The following LYPLAL1 variants were observed in gnomAD, a reference collection of about 807,000 sequenced individuals.
The protein encoded by LYPLAL1 is lysophospholipase like 1.
A neutral mutation model predicts 19.7 loss-of-function variants in LYPLAL1; 23 were observed. The ratio of observed to expected loss-of-function variants is 1.17; its 90% confidence interval spans 0.84 to 1.65. The LOEUF is 1.65. Among genes scored for constraint, LYPLAL1 ranks in the 40% most tolerant of loss-of-function variants. LYPLAL1 has a pLI of 0.00. For synonymous variants in LYPLAL1, 119 were observed against 96.3 expected (o/e 1.24, Z -1.38); for missense variants, 355 against 279.4 (o/e 1.27, Z -1.93).
chr1:219,395,794 A>G, the LYPLAL1 span, among the ~76,000 whole-genome samples: 13 of 152,044 alleles, frequency 8.6e-5, no homozygotes, highest in Non-Finnish European at 1.8e-4. Context: ...TGATTTTTAC[A>G]TATGGTGTAA....
the LYPLAL1 span, among the ~76,000 whole-genome samples, chr1:219,257,102 G>A: frequency 3.9e-5 from 6 of 151,962 alleles, no homozygotes; most frequent in South Asian, 1.2e-3. Context: ...GTATCCTTAT[G>A]TTTTAGATCT....
chr1:219,393,795 A>G, the LYPLAL1 span, among the ~76,000 whole-genome samples: 2 of 151,196 alleles, frequency 1.3e-5, no homozygotes, highest in Admixed American at 1.3e-4. Context: ...TCTAAGTAAG[A>G]TAAAATACTG....
intron 1 of LYPLAL1, 65 bp from the exon 2 acceptor site, chr1:219,179,082 G>A (rs941642283): frequency 8.9e-7 from 1 of 1,124,200 alleles, no homozygotes; most frequent in Non-Finnish European, 1.3e-6. Context: ...AAAAGTTTTA[G>A]ACTGCTTTGA....
the LYPLAL1 span, among the ~76,000 whole-genome samples, chr1:219,258,139 G>A: frequency 6.6e-6 from 1 of 151,896 alleles, no homozygotes; most frequent in Admixed American, 6.6e-5. Flanking sequence ...CTGTTATTCT[G>A]TTCGTTGTCA....
intron 1 of LYPLAL1, chr1:219,175,184 A>G (rs1572143749): frequency 6.3e-6 from 5 of 799,510 alleles, no homozygotes; most frequent in Non-Finnish European, 7.6e-6. Context: ...GTAGTGGCGG[A>G]TTTGGGATTA....
At chr1:219,248,174 A>T in the LYPLAL1 span, among the ~76,000 whole-genome samples, 1 of 152,192 alleles carries the variant, frequency 6.6e-6, no homozygotes, top group African/African-American at 2.4e-5. Context: ...GCTCCAAGTG[A>T]AAAGCATCTG....
chr1:219,309,212 C>T, the LYPLAL1 span, among the ~76,000 whole-genome samples: 1 of 152,260 alleles, frequency 6.6e-6, no homozygotes, highest in East Asian at 1.9e-4. Flanking sequence ...TTTGTTATGG[C>T]CAGTTTCTCC....
At chr1:219,443,439 G>T in the LYPLAL1 span, among the ~76,000 whole-genome samples, 5 of 152,008 alleles carry the variant, frequency 3.3e-5, no homozygotes, top group African/African-American at 1.2e-4. Flanking sequence ...CTTATAATTT[G>T]TTATAATGTG....
chr1:219,335,289 A>G, the LYPLAL1 span, among the ~76,000 whole-genome samples: 1 of 151,930 alleles, frequency 6.6e-6, no homozygotes, highest in South Asian at 2.1e-4. Flanking sequence ...ACTTCTGTAT[A>G]TTTTTCAGGG....
the LYPLAL1 span, among the ~76,000 whole-genome samples, chr1:219,282,429 G>A: frequency 6.7e-6 from 1 of 150,342 alleles, no homozygotes; most frequent in Non-Finnish European, 1.5e-5. Context: ...TATTGAATAA[G>A]TAATTTAAGA....
At chr1:219,326,715 G>C in the LYPLAL1 span, among the ~76,000 whole-genome samples, 3 of 152,090 alleles carry the variant, frequency 2.0e-5, no homozygotes, top group Admixed American at 6.5e-5. Context: ...AAAGAAAGAG[G>C]AGCCTTTTAA....
chr1:219,358,371 G>A, the LYPLAL1 span, among the ~76,000 whole-genome samples: 2 of 152,134 alleles, frequency 1.3e-5, no homozygotes, highest in African/African-American at 4.8e-5. Context: ...TTTTCTATGG[G>A]AATCCTAGTT....
intron 3 of LYPLAL1, among the ~76,000 whole-genome samples, chr1:219,209,801 T>C (rs913135974): frequency 5.3e-5 from 8 of 152,118 alleles, no homozygotes; most frequent in Non-Finnish European, 1.2e-4. Flanking sequence ...TATTCTGTGT[T>C]GGATGTGTTT....
At chr1:219,422,681 A>G in the LYPLAL1 span, among the ~76,000 whole-genome samples, 369 of 152,338 alleles carry the variant, frequency 2.4e-3, 3 homozygotes, top group Middle Eastern at 0.014. Flanking sequence ...ATCAACTTAA[A>G]ATAATATTCA....
the LYPLAL1 span, among the ~76,000 whole-genome samples, chr1:219,274,739 G>A: frequency 6.6e-6 from 1 of 152,096 alleles, no homozygotes; most frequent in Non-Finnish European, 1.5e-5. Context: ...CAGGAAGTAG[G>A]TTCTATTTTC....
chr1:219,298,063 A>G, the LYPLAL1 span, among the ~76,000 whole-genome samples: 1 of 152,150 alleles, frequency 6.6e-6, no homozygotes, highest in African/African-American at 2.4e-5. Context: ...TAATCCCAGC[A>G]TTTTGGGAGG....
At chr1:219,364,215 CAA>C in the LYPLAL1 span, among the ~76,000 whole-genome samples, 1 of 152,046 alleles carries the variant, frequency 6.6e-6, no homozygotes, top group Non-Finnish European at 1.5e-5. Flanking sequence ...CGCAATAACC[CAA>C]GTCTAGCTCT....
chr1:219,412,755 C>T, the LYPLAL1 span, among the ~76,000 whole-genome samples: 29 of 152,174 alleles, frequency 1.9e-4, no homozygotes, highest in Non-Finnish European at 4.0e-4. Context: ...CTTTGGGAGC[C>T]TGCCATGTAA....
At chr1:219,293,561 A>G in the LYPLAL1 span, among the ~76,000 whole-genome samples, 1 of 152,216 alleles carries the variant, frequency 6.6e-6, no homozygotes, top group African/African-American at 2.4e-5. Flanking sequence ...GAATCAAGAA[A>G]TTCACATTGA....
Sources: allele counts gnomAD v4.1 joint callset (sites outside exome capture counted in the v4.1 genomes callset), GRCh38; gene constraint gnomAD v4.1.1; transcripts MANE v1.5; gene names NCBI Gene and HGNC (gene_info 2026-07-23, HGNC 2026-07-21).